Variants in PABIR3 observed in about 807,000 individuals in gnomAD.
PABIR3 encodes the protein PABIR family member 1.
Under a neutral mutation model 23.1 loss-of-function variants are expected in PABIR3, and 20 were observed. The ratio of observed to expected loss-of-function variants is 0.86; its 90% CI spans 0.61 to 1.26. PABIR3 has a LOEUF of 1.26. PABIR3 is among the 50% of genes most tolerant of loss of function. The pLI is 0.00. For missense variants in PABIR3, 189 were observed against 195.4 expected (o/e 0.97, Z 0.20); for synonymous variants, 69 against 68.5 (o/e 1.01, Z -0.04).
At chrX:134,810,101 C>T (rs1299624135) in intron 2 of PABIR3, 1 of 751,585 alleles carries the variant, frequency 1.3e-6, no homozygotes, top group African/African-American at 2.3e-5. Context: ...TTATTGAAGA[C>T]AATATAAAAA....
chrX:134,802,466 C>T (rs748027123), upstream of PABIR3, among the ~76,000 whole-genome samples: 5 of 111,282 alleles, frequency 4.5e-5, no homozygotes, highest in Admixed American at 9.5e-5. Context: ...TGGTTAGCCC[C>T]GGTACAAGGA....
downstream of PABIR3, among the ~76,000 whole-genome samples, chrX:134,858,094 A>C (rs2082758150): frequency 8.9e-6 from 1 of 111,735 alleles, no homozygotes; most frequent in African/African-American, 3.2e-5. Context: ...TAATACTGAG[A>C]TCATGTAATC....
At chrX:134,856,777 G>A (rs1272166829), downstream of PABIR3, among the ~76,000 whole-genome samples, 3 of 110,670 alleles carry the variant, frequency 2.7e-5, no homozygotes, top group Non-Finnish European at 5.7e-5. Flanking sequence ...TTGGGAGGCC[G>A]AAGTGGGTGA....
intron 2 of PABIR3, among the ~76,000 whole-genome samples, chrX:134,812,931 C>T (rs2080756848): frequency 9.0e-6 from 1 of 111,501 alleles, no homozygotes; most frequent in South Asian, 3.8e-4. Flanking sequence ...TTTACCAATC[C>T]GTGCTTTTAA....
At chrX:134,840,940 C>T (rs1236987599) in intron 4 of PABIR3, among the ~76,000 whole-genome samples, 1 of 109,113 alleles carries the variant, frequency 9.2e-6, no homozygotes, top group African/African-American at 3.3e-5. Context: ...CTTTGAAGGA[C>T]TAGGTCAAAT....
At chrX:134,809,525 T>C in intron 2 of PABIR3, 1 of 751,582 alleles carries the variant, frequency 1.3e-6, no homozygotes. Flanking sequence ...ATTTCAGTAT[T>C]ATAAGGTTTT....
intron 3 of PABIR3, chrX:134,821,211 A>G: frequency 1.4e-6 from 1 of 730,273 alleles, no homozygotes; most frequent in Non-Finnish European, 1.9e-6. Context: ...TTGAATGAAC[A>G]CAAAAATAAA....
intron 3 of PABIR3, chrX:134,822,956 G>A (rs187485942): frequency 0.011 from 1,180 of 111,118 alleles, 7 homozygotes; most frequent in Non-Finnish European, 0.017. Flanking sequence ...TGGTCAACAT[G>A]GTGAAACCCC....
chrX:134,798,127 T>G (rs1358524104), intron 1 of PABIR3, among the ~76,000 whole-genome samples: 1 of 111,631 alleles, frequency 9.0e-6, no homozygotes, highest in Non-Finnish European at 1.9e-5. Flanking sequence ...GGTCAAGATT[T>G]GGATTTTTTA....
At chrX:134,808,190 T>G (rs11096407) in intron 2 of PABIR3, 12,900 of 294,761 alleles carry the variant, frequency 0.044, 246 homozygotes, top group African/African-American at 0.084. Flanking sequence ...TTTTACATTT[T>G]TTTTTTTGTC....
At chrX:134,824,657 G>A (rs1243771024) in intron 3 of PABIR3, among the ~76,000 whole-genome samples, 5 of 110,399 alleles carry the variant, frequency 4.5e-5, no homozygotes, top group Admixed American at 9.7e-5. Context: ...AAAATTAGCC[G>A]GGCGTGGTGG....
In PABIR3 at chrX:134,852,669, T is replaced by A. The variant is rs140020428; in HGVS notation, c.590-131T>A. On this transcript the variant is annotated intron_variant, in intron 9 of 10. Transcript: ENST00000645433. ...ATGGTTATGTCTGGATAATGATTACTTAAAATTGTTTTCTTTGTGCTTTTC... is the reference window on the plus strand; with the variant it reads ...ATGGTTATGTCTGGATAATGATTACATAAAATTGTTTTCTTTGTGCTTTTC... The A allele has an allele frequency of 2.5e-3, 954 of 376,513 alleles. 6 individuals are homozygous for A. The highest frequency in any genetic ancestry group is 0.023 in the African/African-American group (879 of 38,390). The allele number at this position is 376,513 out of a possible 1,213,427, so 31.0% of individuals were successfully genotyped here. A position where few individuals can be genotyped will look rare whatever the true frequency, so the allele number is the denominator to read the frequency against.
chrX:134,823,924 A>G (rs977331133), intron 3 of PABIR3, among the ~76,000 whole-genome samples: 13 of 111,543 alleles, frequency 1.2e-4, no homozygotes, highest in African/African-American at 3.9e-4. Flanking sequence ...GGAAATAGGT[A>G]TTCTAATACA....
At chrX:134,855,896 A>C (rs1007607110), downstream of PABIR3, among the ~76,000 whole-genome samples, 1 of 111,782 alleles carries the variant, frequency 8.9e-6, no homozygotes, top group African/African-American at 3.2e-5. Context: ...CCAGCCCTTT[A>C]GTGGACCAGT....
At chrX:134,801,599 A>G (rs1028915514) in intron 1 of PABIR3, among the ~76,000 whole-genome samples, 2 of 112,293 alleles carry the variant, frequency 1.8e-5, no homozygotes, top group African/African-American at 6.5e-5. Flanking sequence ...CATTCATGCC[A>G]TAGGGCCAGT....
rs553826475 is a variant in PABIR3, at chrX:134,854,342, A to G, written c.*125A>G. 16 of 777,983 alleles carry G rather than the reference A, an allele frequency of 2.1e-5. No homozygotes were observed. In the Admixed American group the frequency reaches 6.7e-4, roughly 32 times the overall value. The allele number at this position is 777,983 out of a possible 1,213,427, so 64.1% of individuals were successfully genotyped here. On this transcript the variant is annotated 3_prime_UTR_variant, in exon 11 of 11. Transcript: ENST00000645433. ...TACTGTATAATTTAAACTATCTCCT[A>G]TTTATCTTTTTTCCTCAATTTCCTA...
In PABIR3 at chrX:134,847,487, G is replaced by C. The variant is rs762719317; in HGVS notation, c.438+12G>C. ...AGAAGACTGGGAAGGTAAGAAAGGA[G>C]TACCTAAAAGTCTATGTCTCTTGAA... On this transcript the variant is annotated intron_variant, in intron 7 of 10. Transcript: ENST00000645433. 1 of 1,094,654 alleles carries C rather than the reference G, an allele frequency of 9.1e-7. No individual in the cohort carries two copies. Among genetic ancestry groups the C allele is most frequent in the East Asian group, 3.0e-5 (1 of 33,213 alleles). 90.2% of individuals were successfully genotyped at this position (1,094,654 alleles called of 1,213,427 possible). A position where few individuals can be genotyped will look rare whatever the true frequency, so the allele number is the denominator to read the frequency against.
intron 9 of PABIR3, among the ~76,000 whole-genome samples, chrX:134,851,459 C>A (rs1319628545): frequency 9.2e-6 from 1 of 108,249 alleles, no homozygotes; most frequent in Non-Finnish European, 1.9e-5. Flanking sequence ...TCGCCTGAAT[C>A]CAGGAGGCGG....
chrX:134,820,671 G>A (rs192211731), intron 3 of PABIR3, among the ~76,000 whole-genome samples: 7 of 111,832 alleles, frequency 6.3e-5, no homozygotes, highest in East Asian at 5.6e-4. Context: ...TAAGTTTCAC[G>A]TTAGTGTATT....
Sources: gnomAD v4.1 joint callset for allele counts (sites outside exome capture counted in the v4.1 genomes callset) on GRCh38, gnomAD v4.1.1 for gene constraint, MANE v1.5 for transcripts, NCBI Gene and HGNC (gene_info 2026-07-23, HGNC 2026-07-21) for gene names.